ERC2: variants seen among roughly 807,000 people sequenced by gnomAD.
ERC2 encodes the protein ERC protein 2.
Under a neutral mutation model 114.8 loss-of-function variants are expected in ERC2, and 42 were observed. The observed-to-expected ratio is 0.37, with a 90% CI of 0.29 to 0.47. ERC2 has a LOEUF of 0.47. Among genes scored for constraint, ERC2 ranks in the 20% least tolerant of loss-of-function variants. The probability of loss-of-function intolerance (pLI) is 0.99; values close to 1 mark genes in which losing one functional copy is unlikely to be tolerated. For synonymous variants in ERC2, 454 were observed against 425.5 expected, an observed-to-expected ratio of 1.07 and a Z score of -0.82; for missense variants, 939 against 1,150.7, an observed-to-expected ratio of 0.82 and a Z score of 2.66.
intron 2 of ERC2, among the ~76,000 whole-genome samples, chr3:56,422,177 A>G (rs1232478927): frequency 6.6e-6 from 1 of 152,134 alleles, no homozygotes; most frequent in Non-Finnish European, 1.5e-5. Flanking sequence ...ATTCCTGAAG[A>G]TAGAGGCAAG....
chr3:55,739,955 A>C (rs2148936747), intron 14 of ERC2, among the ~76,000 whole-genome samples: 1 of 152,266 alleles, frequency 6.6e-6, no homozygotes, highest in Non-Finnish European at 1.5e-5. Context: ...GAAGGGGTTC[A>C]GTTTCAGTTT....
intron 14 of ERC2, among the ~76,000 whole-genome samples, chr3:55,806,064 G>A (rs2059475626): frequency 6.6e-6 from 1 of 152,160 alleles, no homozygotes; most frequent in Admixed American, 6.6e-5. Flanking sequence ...GAGGGGCTGG[G>A]TATAGTGGTT....
At chr3:56,276,367 A>G (rs1317530144) in intron 3 of ERC2, among the ~76,000 whole-genome samples, 1 of 150,038 alleles carries the variant, frequency 6.7e-6, no homozygotes, top group Admixed American at 6.7e-5. Context: ...ATCTTTTATT[A>G]TTCAGCATTA....
chr3:55,961,991 C>A lies in ERC2; in HGVS notation c.2268-11431G>T, dbSNP rs150252358. On this transcript the variant is annotated intron_variant, in intron 12 of 17. Transcript: ENST00000288221. ...GGCCTTCCATTTGCACCCTGACATG[C>A]CAAGTCCTACTGTCCTCAGGGTGGT... Among the ~76,000 whole-genome samples, 639 of 152,234 alleles carry A rather than the reference C, an allele frequency of 4.2e-3. 4 individuals are homozygous for A. Among genetic ancestry groups the A allele is most frequent in the African/African-American group, 0.014 (597 of 41,542 alleles).
At position 55,724,281 on chromosome 3, in the gene ERC2, G is replaced by C. The variant is rs112927495; in HGVS notation, c.2712+10490C>G. Among the ~76,000 whole-genome samples the C allele has an allele frequency of 1.5e-4, 23 of 152,332 alleles. 1 individual carries two copies. The highest frequency in any genetic ancestry group is 5.3e-4 in the African/African-American group (22 of 41,584). On this transcript the variant is annotated intron_variant, in intron 15 of 17. Coordinates refer to ENST00000288221, the MANE Select transcript of ERC2 (RefSeq NM_015576.3). The stretch of plus-strand genomic sequence containing the variant: ...GCACATGGTGGCCTCAGGTCATGGC[G>C]GGAGCCAGCAGGGGCCAGGCGAGAA...
At chr3:56,218,222 A>G (rs2049630116) in intron 3 of ERC2, among the ~76,000 whole-genome samples, 1 of 152,130 alleles carries the variant, frequency 6.6e-6, no homozygotes, top group African/African-American at 2.4e-5. Context: ...ATGGGAGAAA[A>G]TTTTTGCAAT....
intron 11 of ERC2, among the ~76,000 whole-genome samples, chr3:55,989,826 T>C (rs954849275): frequency 6.6e-6 from 1 of 152,172 alleles, no homozygotes; most frequent in Non-Finnish European, 1.5e-5. Context: ...GCATAGAATA[T>C]ACATACAATA....
chr3:55,631,464 C>G (rs1559770528), intron 17 of ERC2, among the ~76,000 whole-genome samples: 1 of 152,176 alleles, frequency 6.6e-6, no homozygotes, highest in Admixed American at 6.5e-5. Context: ...AAAATATTGC[C>G]TGACACCTCC....
intron 12 of ERC2, among the ~76,000 whole-genome samples, chr3:55,983,049 A>G (rs2070288173): frequency 6.6e-6 from 1 of 152,164 alleles, no homozygotes; most frequent in African/African-American, 2.4e-5. Flanking sequence ...CCCTTCATCA[A>G]ACAGGTGATG....
intron 3 of ERC2, among the ~76,000 whole-genome samples, chr3:56,214,370 AT>A (rs2049304331): frequency 7.3e-6 from 1 of 137,682 alleles, no homozygotes; most frequent in Admixed American, 7.8e-5. Flanking sequence ...AGCTGATTCA[AT>A]AAACTGGAAG....
chr3:56,100,634 C>T (rs1235809234), intron 6 of ERC2, among the ~76,000 whole-genome samples: 1 of 152,122 alleles, frequency 6.6e-6, no homozygotes, highest in African/African-American at 2.4e-5. Flanking sequence ...ATTTGCCTTC[C>T]TCATATGGCA....
chr3:55,880,811 AG>A (rs2063080230), intron 14 of ERC2, among the ~76,000 whole-genome samples: 1 of 152,112 alleles, frequency 6.6e-6, no homozygotes, highest in South Asian at 2.1e-4. Context: ...AAGAAAAAAA[AG>A]AAATTCTTGA....
chr3:56,103,784 T>TATCTATCC (rs929942852), intron 6 of ERC2, among the ~76,000 whole-genome samples: 2 of 149,628 alleles, frequency 1.3e-5, no homozygotes, highest in Non-Finnish European at 3.0e-5. Flanking sequence ...TCTATCTATC[T>TATCTATCC]ATCCATCCAA....
chr3:56,193,557 G>A (rs1335078292), intron 3 of ERC2, among the ~76,000 whole-genome samples: 3 of 151,784 alleles, frequency 2.0e-5, no homozygotes, highest in Non-Finnish European at 2.9e-5. Context: ...AGGCAAGATC[G>A]TGAGTAATTT....
At chr3:55,570,397 T>C (rs913460151) in intron 17 of ERC2, among the ~76,000 whole-genome samples, 1 of 152,100 alleles carries the variant, frequency 6.6e-6, no homozygotes, top group Non-Finnish European at 1.5e-5. Context: ...GAAGTCCACA[T>C]CTTATCTCCA....
chr3:55,856,448 T>C (rs7609626), intron 14 of ERC2, among the ~76,000 whole-genome samples: 22,308 of 152,162 alleles, frequency 0.15, 2,602 homozygotes, highest in African/African-American at 0.33. Flanking sequence ...ACCGGAGATA[T>C]AGCCCAGGCT....
chr3:55,803,546 A>G (rs1319533079), intron 14 of ERC2, among the ~76,000 whole-genome samples: 1 of 151,876 alleles, frequency 6.6e-6, no homozygotes, highest in East Asian at 1.9e-4. Flanking sequence ...TTTTTTGTAA[A>G]GGCATCATTT....
intron 17 of ERC2, among the ~76,000 whole-genome samples, chr3:55,595,474 A>T (rs1268160881): frequency 6.6e-6 from 1 of 152,202 alleles, no homozygotes; most frequent in Non-Finnish European, 1.5e-5. Context: ...GGGAGGTGTA[A>T]AATCCCTCTT....
chr3:55,575,085 C>T (rs1470616589), intron 17 of ERC2, among the ~76,000 whole-genome samples: 1 of 152,188 alleles, frequency 6.6e-6, no homozygotes, highest in Admixed American at 6.5e-5. Flanking sequence ...ATGATCTTGG[C>T]TCACTGCAAC....
Sources: allele counts gnomAD v4.1 joint callset (sites outside exome capture counted in the v4.1 genomes callset), GRCh38; gene constraint gnomAD v4.1.1; transcripts MANE v1.5; gene names NCBI Gene and HGNC (gene_info 2026-07-23, HGNC 2026-07-21).